The following FMNL3 variants were observed in gnomAD, a reference collection of about 807,000 sequenced individuals.
The protein encoded by FMNL3 is formin-like protein 3.
FMNL3 carries 57 observed loss-of-function variants against 119.6 expected under a neutral mutation model. That is an observed-to-expected ratio of 0.48 (90% CI 0.39 to 0.59). FMNL3 has a LOEUF of 0.59. Ranked by LOEUF, FMNL3 falls within the 20% of genes least tolerant of loss-of-function variation. The probability of loss-of-function intolerance (pLI) is 0.00; values close to 1 mark genes in which losing one functional copy is unlikely to be tolerated. For missense variants in FMNL3, 1,053 were observed against 1,323.5 expected (o/e 0.80, Z 3.17); for synonymous variants, 491 against 507.3 (o/e 0.97, Z 0.43).
At chr12:49,699,739 C>A (rs1944850744) in intron 1 of FMNL3, among the ~76,000 whole-genome samples, 1 of 152,174 alleles carries the variant, frequency 6.6e-6, no homozygotes, top group Middle Eastern at 3.4e-3. Context: ...TATAATAAAT[C>A]CCCAACAGAG....
chr12:49,693,033 A>G (rs547941793), intron 1 of FMNL3, among the ~76,000 whole-genome samples: 1 of 152,364 alleles, frequency 6.6e-6, no homozygotes, highest in African/African-American at 2.4e-5. Flanking sequence ...CAGGAGGGCA[A>G]TAAGGTTAAA....
chr12:49,671,064 G>T (rs1201022748), intron 1 of FMNL3, among the ~76,000 whole-genome samples: 1 of 152,238 alleles, frequency 6.6e-6, no homozygotes, highest in African/African-American at 2.4e-5. Context: ...CTGGAATGGA[G>T]GAGGGGGCAG....
intron 1 of FMNL3, among the ~76,000 whole-genome samples, chr12:49,699,271 T>C (rs978907783): frequency 6.6e-6 from 1 of 152,228 alleles, no homozygotes; most frequent in Non-Finnish European, 1.5e-5. Context: ...TACTTTGGTG[T>C]TGACCACAGA....
rs35284603 is a variant in FMNL3, at chr12:49,687,096, C to CTTTT, written c.127-18546_127-18543dup. On this transcript the variant is annotated intron_variant, in intron 1 of 25. Coordinates refer to ENST00000335154, the MANE Select transcript of FMNL3 (RefSeq NM_175736.5). ...TCTTATCTAAATATCTTCCCCATTC[C>CTTTT]TTTTTTTTTTTTTTTTGAGACGGAG... Among the ~76,000 whole-genome samples the CTTTT allele has an allele frequency of 6.3e-5, 9 of 142,352 alleles. 1 individual carries two copies. Among genetic ancestry groups the CTTTT allele is most frequent in the African/African-American group, 1.5e-4 (6 of 38,760 alleles). 93.4% of individuals were successfully genotyped at this position (142,352 alleles called of 152,430 possible). A position where few individuals can be genotyped will look rare whatever the true frequency, so the allele number is the denominator to read the frequency against.
chr12:49,637,875 TC>T lies in FMNL3; in HGVS notation c.*7939del. 3 of 1,428,184 alleles carry T rather than the reference TC, an allele frequency of 2.1e-6. No homozygotes were observed. Among genetic ancestry groups the T allele is most frequent in the Non-Finnish European group, 3.0e-6 (3 of 1,015,280 alleles). 88.5% of individuals were successfully genotyped at this position (1,428,184 alleles called of 1,614,324 possible). ...GATACAGGATGGATGCAGGGCACAC[TC>T]CCTGCAGAGGACTCCCTGATAAGTC... is the stretch of plus-strand genomic sequence containing the variant. On this transcript the variant is annotated 3_prime_UTR_variant, in exon 26 of 26. Coordinates refer to ENST00000335154, the MANE Select transcript of FMNL3 (RefSeq NM_175736.5).
At chr12:49,703,190 TACAA>T (rs1283008613) in intron 1 of FMNL3, among the ~76,000 whole-genome samples, 2 of 152,020 alleles carry the variant, frequency 1.3e-5, no homozygotes, top group Non-Finnish European at 2.9e-5. Flanking sequence ...AAAATCAGAG[TACAA>T]TCACAACAAA....
At chr12:49,646,728 G>A (rs774749310) in intron 25 of FMNL3, 158 bp downstream of exon 25, 12 of 1,562,102 alleles carry the variant, frequency 7.7e-6, no homozygotes, top group Non-Finnish European at 9.5e-6. Context: ...TGGCAGTACG[G>A]GCCGTGAAAG....
rs1382256660 is a variant in FMNL3, at chr12:49,639,789, G to T, written c.*6026C>A. ...GGAAGGAATCAGAGGTGTCAGGGCAGTGGATGATGGCACTATTGATAAGGA... is the reference window on the plus strand; with the variant it reads ...GGAAGGAATCAGAGGTGTCAGGGCATTGGATGATGGCACTATTGATAAGGA... On this transcript the variant is annotated 3_prime_UTR_variant, in exon 26 of 26. Coordinates refer to ENST00000335154, the MANE Select transcript of FMNL3 (RefSeq NM_175736.5). 2.6e-5 allele frequency: 4 copies of T among 152,246 alleles called. No individual in the cohort carries two copies. Among genetic ancestry groups the T allele is most frequent in the Non-Finnish European group, 5.9e-5 (4 of 68,040 alleles). 9.4% of individuals were successfully genotyped at this position (152,246 alleles called of 1,614,324 possible).
chr12:49,694,601 C>G (rs1394757752), intron 1 of FMNL3, among the ~76,000 whole-genome samples: 1 of 152,094 alleles, frequency 6.6e-6, no homozygotes, highest in African/African-American at 2.4e-5. Context: ...AAAATTTCAC[C>G]CAGATAATTA....
intron 1 of FMNL3, among the ~76,000 whole-genome samples, chr12:49,704,833 T>C (rs1945004464): frequency 1.3e-5 from 2 of 151,984 alleles, no homozygotes; most frequent in Non-Finnish European, 2.9e-5. Context: ...AGAACAGGAT[T>C]ACCTCCATTT....
At chr12:49,672,941 CGA>C (rs1194893913) in intron 1 of FMNL3, among the ~76,000 whole-genome samples, 1 of 152,150 alleles carries the variant, frequency 6.6e-6, no homozygotes, top group Admixed American at 6.5e-5. Context: ...GGCATAGCTT[CGA>C]GAGACAGGGA....
intron 15 of FMNL3, 32 bp from the exon 16 acceptor site, chr12:49,651,324 G>A: frequency 6.2e-7 from 1 of 1,606,366 alleles, no homozygotes; most frequent in Non-Finnish European, 8.5e-7. Flanking sequence ...TGACACAGGG[G>A]CCAAGGACAC....
At chr12:49,688,641 C>G in intron 1 of FMNL3, 5 of 401,520 alleles carry the variant, frequency 1.2e-5, no homozygotes, top group South Asian at 9.2e-5. Context: ...AAGAATGAAC[C>G]AAAGAAACTG....
In FMNL3 at chr12:49,707,162, C is replaced by G. The variant is rs1212368684; in HGVS notation, c.19G>C (p.Ala7Pro). 2 of 1,579,558 alleles carry G rather than the reference C, an allele frequency of 1.3e-6. No individual in the cohort carries two copies. Among genetic ancestry groups the G allele is most frequent in the South Asian group, 2.3e-5 (2 of 87,056 alleles). The change falls in exon 1 of 26, where the codon GCC (alanine) becomes CCC (proline). Residue 7 changes from alanine (A) to proline (P), a missense_variant. Transcript: ENST00000335154. MGNLES[A>P]EGVPGEPPSV... ...GGGGGCTCTCCCGGGACCCCCTCGGCGCTCTCCAGGTTGCCCATCGCGGCG... is the reference window on the plus strand; with the variant it reads ...GGGGGCTCTCCCGGGACCCCCTCGGGGCTCTCCAGGTTGCCCATCGCGGCG...
At chr12:49,704,191 T>G (rs1944982736) in intron 1 of FMNL3, among the ~76,000 whole-genome samples, 1 of 152,152 alleles carries the variant, frequency 6.6e-6, no homozygotes, top group Non-Finnish European at 1.5e-5. Flanking sequence ...TTAAGTAACT[T>G]GCTTGAGGTC....
Position 49,707,235 on chromosome 12 carries a change from TCGGCTCCG to T in FMNL3, c.-63_-56del, listed in dbSNP as rs1945076618. 3 of 1,413,418 alleles carry T rather than the reference TCGGCTCCG, an allele frequency of 2.1e-6. No individual in the cohort carries two copies. The highest frequency in any genetic ancestry group is 2.8e-6 in the Non-Finnish European group (3 of 1,081,922). The allele number at this position is 1,413,418 out of a possible 1,614,324, so 87.6% of individuals were successfully genotyped here. On this transcript the variant is annotated 5_prime_UTR_variant, in exon 1 of 26. Coordinates refer to ENST00000335154, the MANE Select transcript of FMNL3 (RefSeq NM_175736.5). ...CCCCCACCTCCACGCTCCGGAGCTT[TCGGCTCCG>T]CGGCTCCGACCAGGCTCCTCCCTCA...
intron 1 of FMNL3, among the ~76,000 whole-genome samples, chr12:49,701,076 C>A (rs1489012990): frequency 2.6e-5 from 3 of 113,480 alleles, no homozygotes; most frequent in Non-Finnish European, 4.9e-5. Context: ...GAGACTCCAT[C>A]TCAAAAAAAA....
chr12:49,660,737 C>T (rs531545209), intron 5 of FMNL3, among the ~76,000 whole-genome samples: 26 of 152,346 alleles, frequency 1.7e-4, no homozygotes, highest in African/African-American at 6.0e-4. Context: ...CAGGGTGGAT[C>T]GCTTGAGCCC....
rs1299540450 is a variant in FMNL3 at position 49,649,691 on chromosome 12, C to T, written c.2235G>A (p.Pro745=). ...NFQDNLQMLT[P]QLNAIIAASA... The stretch of plus-strand genomic sequence containing the variant: ...GCCATGAGTTGGGTGGGGGCTGTAC[C>T]GGTGTGAGCATCTGCAGGTTATCCT... Residue 745 remains proline, a splice_region_variant and synonymous_variant, in exon 18 of 26, where the codon CCG becomes CCA. Transcript: ENST00000335154. This position sits in a 1 kb window ranked among gnomAD's most constrained non-coding sequence, Gnocchi z 5.6. 10 of 1,614,034 alleles carry T rather than the reference C, an allele frequency of 6.2e-6. No homozygotes were observed. The highest frequency in any genetic ancestry group is 1.1e-5 in the South Asian group (1 of 91,066).
Sources: allele counts gnomAD v4.1 joint callset (sites outside exome capture counted in the v4.1 genomes callset), GRCh38; gene constraint gnomAD v4.1.1; non-coding constraint Gnocchi (gnomAD v3.1); transcripts MANE v1.5; gene names NCBI Gene and HGNC (gene_info 2026-07-23, HGNC 2026-07-21).